Variants in ARIH1 observed in about 807,000 individuals in gnomAD.
ARIH1 encodes the protein E3 ubiquitin-protein ligase ARIH1.
ARIH1 carries 8 observed loss-of-function variants against 85.0 expected under a neutral mutation model. The ratio of observed to expected loss-of-function variants is 0.09; its 90% CI spans 0.06 to 0.17. The LOEUF (loss-of-function observed/expected upper bound fraction) is 0.17. Ranked by LOEUF, ARIH1 falls within the 10% of genes least tolerant of loss-of-function variation. The pLI, the probability that ARIH1 is intolerant of heterozygous loss-of-function variation, is 1.00. For missense variants in ARIH1, 311 were observed against 718.1 expected, an observed-to-expected ratio of 0.43 and a Z score of 6.48; for synonymous variants, 238 against 253.6, an observed-to-expected ratio of 0.94 and a Z score of 0.59.
chr15:72,572,381 G>GCA (rs1207174879), intron 11 of ARIH1: 13 of 390,148 alleles, frequency 3.3e-5, no homozygotes, highest in Middle Eastern at 7.2e-4. Flanking sequence ...GGGATTACAG[G>GCA]TGCGCGCCAC....
rs139014878 is a variant in ARIH1 at position 72,514,731 on chromosome 15, C to T, written c.376-3336C>T. 2.9e-3 allele frequency among the ~76,000 whole-genome samples: 424 copies of T among 145,792 alleles called. 9 individuals are homozygous for T. Among genetic ancestry groups the T allele is most frequent in the Admixed American group, 0.026 (375 of 14,576 alleles). ...AAAAAAAAAGAGGATTTTGGCCAGG[C>T]GCAGTGGCTCATGCCTGTAATCCCA... is the stretch of plus-strand genomic sequence containing the variant. On this transcript the variant is annotated intron_variant, in intron 1 of 13. Transcript: ENST00000379887.
intron 9 of ARIH1, among the ~76,000 whole-genome samples, chr15:72,568,002 CTGTG>C (rs1293970531): frequency 6.6e-6 from 1 of 152,160 alleles, no homozygotes; most frequent in African/African-American, 2.4e-5. Flanking sequence ...CGCAGGTTGT[CTGTG>C]TGTGTTTAAA....
chr15:72,499,236 A>G (rs528377004), intron 1 of ARIH1, among the ~76,000 whole-genome samples: 42 of 152,070 alleles, frequency 2.8e-4, no homozygotes, highest in African/African-American at 1.0e-3. Flanking sequence ...TTGGCCTCCC[A>G]AAGTGTTGGC....
In ARIH1 at chr15:72,592,421, T is replaced by G. The variant is rs1486669999; in HGVS notation, c.*9129T>G. ...AGCCACTACTCACCTTTATTTTAAATTGATATATAGAAATTAATATTACAA... is the reference window on the plus strand; with the variant it reads ...AGCCACTACTCACCTTTATTTTAAAGTGATATATAGAAATTAATATTACAA... On this transcript the variant is annotated 3_prime_UTR_variant, in exon 14 of 14. Coordinates refer to ENST00000379887, the MANE Select transcript of ARIH1 (RefSeq NM_005744.5). 1 of 152,232 alleles carries G rather than the reference T, an allele frequency of 6.6e-6. No individual in the cohort carries two copies. Among genetic ancestry groups the G allele is most frequent in the Non-Finnish European group, 1.5e-5 (1 of 68,034 alleles). The allele number at this position is 152,232 out of a possible 1,614,324, so 9.4% of individuals were successfully genotyped here.
chr15:72,498,059 A>G (rs2063886888), intron 1 of ARIH1, among the ~76,000 whole-genome samples: 1 of 152,062 alleles, frequency 6.6e-6, no homozygotes, highest in African/African-American at 2.4e-5. Flanking sequence ...CTTTTCAGTT[A>G]TCTGTTTTTG....
intron 2 of ARIH1, among the ~76,000 whole-genome samples, chr15:72,522,445 G>A (rs1470478143): frequency 6.6e-6 from 1 of 152,096 alleles, no homozygotes; most frequent in African/African-American, 2.4e-5. Flanking sequence ...GCTTGAACCC[G>A]GGAGGCTGAG....
chr15:72,566,434 C>T (rs2064221435), intron 7 of ARIH1, 129 bp from the exon 8 acceptor site: 6 of 771,880 alleles, frequency 7.8e-6, no homozygotes, highest in South Asian at 4.6e-5. Context: ...TGGGTTCTCT[C>T]CTTGTATTTG....
chr15:72,539,690 A>G (rs2064098178), intron 2 of ARIH1, among the ~76,000 whole-genome samples: 1 of 152,216 alleles, frequency 6.6e-6, no homozygotes, highest in South Asian at 2.1e-4. Flanking sequence ...CAAAAGAGAA[A>G]GTTAAGTGCT....
rs992017019 is a variant in ARIH1, at chr15:72,567,295, G to A, written c.1026+118G>A. ...GCTTTGTTTCATCTTTTTCTCCATT[G>A]AGTCTTTTTTTTTTTTTCCCAGAAT... is the stretch of plus-strand genomic sequence containing the variant. On this transcript the variant is annotated intron_variant, in intron 9 of 13. Coordinates refer to ENST00000379887, the MANE Select transcript of ARIH1 (RefSeq NM_005744.5). 4 of 705,502 alleles carry A rather than the reference G, an allele frequency of 5.7e-6. No homozygotes were observed. In the African/African-American group the frequency reaches 5.9e-5, roughly 10 times the overall value. The allele number at this position is 705,502 out of a possible 1,614,324, so 43.7% of individuals were successfully genotyped here. A position where few individuals can be genotyped will look rare whatever the true frequency, so the allele number is the denominator to read the frequency against.
intron 1 of ARIH1, among the ~76,000 whole-genome samples, chr15:72,502,997 A>C (rs921000032): frequency 3.3e-5 from 5 of 152,280 alleles, no homozygotes; most frequent in Admixed American, 2.6e-4. Flanking sequence ...ATCAGTGTTT[A>C]GTTGTAAATT....
At chr15:72,521,211 C>G (rs1437038797) in intron 2 of ARIH1, among the ~76,000 whole-genome samples, 2 of 125,870 alleles carry the variant, frequency 1.6e-5, no homozygotes, top group Non-Finnish European at 3.2e-5. Flanking sequence ...CCCCCCCCCC[C>G]CCTTTTCTGG....
intron 1 of ARIH1, among the ~76,000 whole-genome samples, chr15:72,476,348 G>A (rs981394496): frequency 2.3e-4 from 35 of 152,154 alleles, no homozygotes; most frequent in African/African-American, 4.8e-5. Context: ...TAAGAAGGAA[G>A]TTGAGGATTG....
chr15:72,522,520 G>A (rs930444489), intron 2 of ARIH1, among the ~76,000 whole-genome samples: 1 of 151,024 alleles, frequency 6.6e-6, no homozygotes, highest in South Asian at 2.1e-4. Flanking sequence ...ACTCTGTCTC[G>A]AAAAAAAGAA....
intron 7 of ARIH1, 56 bp downstream of exon 7, chr15:72,563,556 G>A: frequency 6.9e-7 from 1 of 1,439,460 alleles, no homozygotes; most frequent in East Asian, 2.3e-5. Flanking sequence ...CATTTCTCCT[G>A]TTTATTCTTG....
intron 1 of ARIH1, chr15:72,496,695 A>G (rs1357575377): frequency 5.8e-5 from 31 of 532,154 alleles, no homozygotes; most frequent in Non-Finnish European, 7.2e-5. Context: ...GGTTTTCCCC[A>G]CCCCTTTATA....
chr15:72,525,803 T>C (rs959882528), intron 2 of ARIH1, among the ~76,000 whole-genome samples: 3 of 152,050 alleles, frequency 2.0e-5, no homozygotes, highest in African/African-American at 7.2e-5. Context: ...CATTCTTTTT[T>C]TTTTTTCTCA....
At chr15:72,518,173 C>CACAGAAAGCCT in intron 2 of ARIH1, 39 bp downstream of exon 2, 2 of 1,520,134 alleles carry the variant, frequency 1.3e-6, no homozygotes, top group Non-Finnish European at 1.8e-6. Flanking sequence ...TTAGAAGTAA[C>CACAGAAAGCCT]ACAGAAAGCC....
intron 1 of ARIH1, among the ~76,000 whole-genome samples, chr15:72,494,512 A>G (rs745510475): frequency 6.6e-5 from 10 of 152,176 alleles, no homozygotes; most frequent in Non-Finnish European, 1.3e-4. Flanking sequence ...ATTACTGGGA[A>G]GTAGAGTGGT....
At chr15:72,477,222 G>C (rs2063798353) in intron 1 of ARIH1, among the ~76,000 whole-genome samples, 1 of 151,954 alleles carries the variant, frequency 6.6e-6, no homozygotes, top group Non-Finnish European at 1.5e-5. Context: ...TTTTTAAATT[G>C]CCCCTCGCTT....
Sources: gnomAD v4.1 joint callset for allele counts (sites outside exome capture counted in the v4.1 genomes callset) on GRCh38, gnomAD v4.1.1 for gene constraint, MANE v1.5 for transcripts, NCBI Gene and HGNC (gene_info 2026-07-23, HGNC 2026-07-21) for gene names.